The following KPNA7 variants were observed in gnomAD, a reference collection of about 807,000 sequenced individuals.
The protein encoded by KPNA7 is importin subunit alpha-8.
In KPNA7, 54 loss-of-function variants were observed where a neutral mutation model predicts 53.7. That is an observed-to-expected ratio of 1.01 (90% CI 0.81 to 1.26). The LOEUF is 1.26. KPNA7 is among the 50% of genes most tolerant of loss of function. The pLI, the probability that KPNA7 is intolerant of heterozygous loss-of-function variation, is 0.00. For missense variants in KPNA7, 640 were observed against 644.5 expected, an observed-to-expected ratio of 0.99 and a Z score of 0.07; for synonymous variants, 276 against 259.3, an observed-to-expected ratio of 1.06 and a Z score of -0.62.
At chr7:99,172,469 C>A (rs576471637), downstream of KPNA7, among the ~76,000 whole-genome samples, 10 of 152,234 alleles carry the variant, frequency 6.6e-5, no homozygotes, top group South Asian at 1.7e-3. Flanking sequence ...AATCCCAGCA[C>A]TTTGGGAGGC....
intron 6 of KPNA7, among the ~76,000 whole-genome samples, chr7:99,189,278 T>C (rs982230027): frequency 2.0e-5 from 3 of 152,090 alleles, no homozygotes; most frequent in Admixed American, 6.6e-5. Context: ...CCCATCCCTT[T>C]TGGCCTTTTA....
the KPNA7 span, among the ~76,000 whole-genome samples, chr7:99,161,105 G>C: frequency 6.6e-6 from 1 of 152,114 alleles, no homozygotes; most frequent in Admixed American, 6.6e-5. Flanking sequence ...CAAGTGACGT[G>C]CTCACCTCAG....
intron 10 of KPNA7, among the ~76,000 whole-genome samples, chr7:99,175,274 C>T (rs1798856216): frequency 6.6e-6 from 1 of 152,072 alleles, no homozygotes; most frequent in Non-Finnish European, 1.5e-5. Flanking sequence ...ACAATCACAA[C>T]TCAAGCAATC....
chr7:99,208,278 CAG>C (rs1280310052), upstream of KPNA7, among the ~76,000 whole-genome samples: 3 of 151,976 alleles, frequency 2.0e-5, no homozygotes, highest in East Asian at 1.9e-4. Context: ...TTTTTTGAGA[CAG>C]AGTCTCACTC....
chr7:99,161,125 G>T, the KPNA7 span, among the ~76,000 whole-genome samples: 2 of 152,150 alleles, frequency 1.3e-5, no homozygotes, highest in Non-Finnish European at 2.9e-5. Context: ...GCCTCTCAAA[G>T]TTCTGGGATT....
At chr7:99,212,536 G>C (rs1791103538), upstream of KPNA7, among the ~76,000 whole-genome samples, 1 of 151,894 alleles carries the variant, frequency 6.6e-6, no homozygotes, top group Non-Finnish European at 1.5e-5. Flanking sequence ...TTACAGGAGT[G>C]AGCCACCATG....
chr7:99,168,481 T>C, the KPNA7 span, among the ~76,000 whole-genome samples: 4 of 152,108 alleles, frequency 2.6e-5, no homozygotes, highest in Non-Finnish European at 4.4e-5. Flanking sequence ...TTACTTGGTG[T>C]TCATCTTTAC....
intron 10 of KPNA7, among the ~76,000 whole-genome samples, chr7:99,175,513 ATTTATTTATTAT>A (rs932892214): frequency 2.9e-5 from 4 of 140,088 alleles, no homozygotes; most frequent in African/African-American, 8.0e-5. Flanking sequence ...TTATTTATTT[ATTTATTTATTAT>A]TTATTTTGGA....
In KPNA7 at chr7:99,195,417, G is replaced by A. The variant is rs148361274; in HGVS notation, c.285-79C>T. On this transcript the variant is annotated intron_variant, in intron 4 of 10. Coordinates refer to ENST00000327442, the MANE Select transcript of KPNA7 (RefSeq NM_001145715.3). ...AAGGACCTCCTTTTAGGCCAGGTGC[G>A]GTGGCTCACACCTGTAATCTCAGCA... is the stretch of plus-strand genomic sequence containing the variant. 2.9e-4 allele frequency: 396 copies of A among 1,348,234 alleles called. 1 individual carries two copies. The East Asian group carries it at 4.3e-3, about 15-fold the overall frequency. The allele number at this position is 1,348,234 out of a possible 1,614,324, so 83.5% of individuals were successfully genotyped here.
intron 9 of KPNA7, among the ~76,000 whole-genome samples, chr7:99,178,832 G>GAGT (rs1199986561): frequency 7.0e-6 from 1 of 142,698 alleles, no homozygotes. Flanking sequence ...GCCCAGGCTG[G>GAGT]AGTGCAGTGG....
the KPNA7 span, among the ~76,000 whole-genome samples, chr7:99,161,396 C>T: frequency 6.6e-6 from 1 of 152,162 alleles, no homozygotes; most frequent in African/African-American, 2.4e-5. Context: ...AACCCTCTAA[C>T]TACCACATAC....
intron 1 of KPNA7, among the ~76,000 whole-genome samples, chr7:99,216,234 G>A (rs957643176): frequency 6.6e-6 from 1 of 152,082 alleles, no homozygotes; most frequent in South Asian, 2.1e-4. Context: ...TTGCTACATT[G>A]CCCAGGCTTG....
chr7:99,182,898 C>G (rs10280956), intron 8 of KPNA7, among the ~76,000 whole-genome samples: 15,202 of 152,032 alleles, frequency 0.1, 907 homozygotes, highest in African/African-American at 0.17. Context: ...AAGCTGTAAG[C>G]CTGGGTACAC....
intron 8 of KPNA7, 93 bp downstream of exon 8, chr7:99,184,836 T>C: frequency 9.6e-7 from 1 of 1,040,784 alleles, no homozygotes. Context: ...GATCTCAATT[T>C]GCTTCTGCAC....
At chr7:99,212,265 A>G (rs561252191), upstream of KPNA7, among the ~76,000 whole-genome samples, 374 of 104,214 alleles carry the variant, frequency 3.6e-3, 3 homozygotes, top group African/African-American at 0.013. Context: ...TTTTTTTGAG[A>G]CAGAGTTTCA....
At chr7:99,165,119 C>A in the KPNA7 span, among the ~76,000 whole-genome samples, 1,781 of 152,032 alleles carry the variant, frequency 0.012, 34 homozygotes, top group African/African-American at 0.041. Context: ...CCAGCCTGGG[C>A]GACAGAACAC....
chr7:99,215,369 CAAAAAAAAAAAAA>C (rs533680824), intron 1 of KPNA7, among the ~76,000 whole-genome samples: 4 of 52,056 alleles, frequency 7.7e-5, no homozygotes, highest in Middle Eastern at 0.026. Flanking sequence ...GAGACTGTCT[CAAAAAAAAAAAAA>C]AAAAAAAAAA....
At chr7:99,149,137 A>T in the KPNA7 span, among the ~76,000 whole-genome samples, 1 of 152,050 alleles carries the variant, frequency 6.6e-6, no homozygotes, top group Non-Finnish European at 1.5e-5. Context: ...TCCTGACCTC[A>T]AGTGATCCGC....
chr7:99,184,843 G>T, intron 8 of KPNA7, 86 bp downstream of exon 8: 2 of 1,121,252 alleles, frequency 1.8e-6, no homozygotes, highest in Non-Finnish European at 1.3e-6. Context: ...ATTTGCTTCT[G>T]CACCTGTGTC....
Sources: allele counts gnomAD v4.1 joint callset (sites outside exome capture counted in the v4.1 genomes callset), GRCh38; gene constraint gnomAD v4.1.1; transcripts MANE v1.5; gene names NCBI Gene and HGNC (gene_info 2026-07-23, HGNC 2026-07-21).